PRKG1: variants seen among roughly 807,000 people sequenced by gnomAD.
PRKG1 encodes the protein protein kinase cGMP-dependent 1, also known as cGMP-dependent protein kinase 1.
PRKG1 carries 35 observed loss-of-function variants against 88.1 expected under a neutral mutation model. The ratio of observed to expected loss-of-function variants is 0.40; its 90% CI spans 0.30 to 0.53. PRKG1 has a LOEUF of 0.53. PRKG1 is among the 20% of genes least tolerant of loss of function. PRKG1 has a pLI of 0.59. For synonymous variants in PRKG1, 303 were observed against 292.5 expected, an observed-to-expected ratio of 1.04 and a Z score of -0.37; for missense variants, 540 against 839.8, an observed-to-expected ratio of 0.64 and a Z score of 4.41.
chr10:51,218,407 A>G (rs1449209095), intron 2 of PRKG1, among the ~76,000 whole-genome samples: 2 of 148,734 alleles, frequency 1.3e-5, no homozygotes, highest in Non-Finnish European at 3.0e-5. Flanking sequence ...CCTTGTTTAA[A>G]TTTTCTCATC....
intron 3 of PRKG1, among the ~76,000 whole-genome samples, chr10:51,629,176 T>C (rs1248637682): frequency 6.6e-6 from 1 of 152,080 alleles, no homozygotes; most frequent in African/African-American, 2.4e-5. Flanking sequence ...TTATGTATAA[T>C]CTATTTCCTT....
chr10:51,650,335 A>G (rs1211481177), intron 3 of PRKG1, among the ~76,000 whole-genome samples: 1 of 152,034 alleles, frequency 6.6e-6, no homozygotes, highest in African/African-American at 2.4e-5. Context: ...TTTTTATCTC[A>G]TCTCAATTGT....
chr10:52,278,168 A>G (rs1841918320), intron 12 of PRKG1, among the ~76,000 whole-genome samples: 1 of 152,196 alleles, frequency 6.6e-6, no homozygotes, highest in South Asian at 2.1e-4. Flanking sequence ...ATGAACAGAC[A>G]CTTCTCAAAA....
intron 3 of PRKG1, among the ~76,000 whole-genome samples, chr10:51,606,275 G>T (rs1838764563): frequency 6.6e-6 from 1 of 152,096 alleles, no homozygotes; most frequent in South Asian, 2.1e-4. Context: ...ACTACATAAA[G>T]ACAACCTATG....
chr10:51,899,824 G>T (rs1267645947), intron 4 of PRKG1, among the ~76,000 whole-genome samples: 5 of 151,800 alleles, frequency 3.3e-5, no homozygotes, highest in Non-Finnish European at 7.4e-5. Flanking sequence ...GTGGAACTGA[G>T]TGGGTTGTGT....
chr10:51,868,704 A>G (rs1841080977), intron 4 of PRKG1, among the ~76,000 whole-genome samples: 1 of 152,068 alleles, frequency 6.6e-6, no homozygotes, highest in South Asian at 2.1e-4. Flanking sequence ...AAAGCTATCT[A>G]TTTCCCTTGA....
At chr10:51,041,129 C>T (rs2132758118) in intron 1 of PRKG1, among the ~76,000 whole-genome samples, 1 of 152,170 alleles carries the variant, frequency 6.6e-6, no homozygotes, top group South Asian at 2.1e-4. Flanking sequence ...TGAGCACTGC[C>T]TGGCTATCAC....
chr10:51,438,610 T>C (rs1027205618), intron 2 of PRKG1, among the ~76,000 whole-genome samples: 1 of 151,940 alleles, frequency 6.6e-6, no homozygotes, highest in Admixed American at 6.6e-5. Context: ...TAGAGTACCA[T>C]CTTAATCATA....
chr10:51,458,137 TG>T (rs1564505634), intron 2 of PRKG1, among the ~76,000 whole-genome samples: 1 of 152,250 alleles, frequency 6.6e-6, no homozygotes, highest in East Asian at 1.9e-4. Flanking sequence ...CCTCATAAAA[TG>T]GGAAAAAATA....
At chr10:51,907,453 T>C in intron 4 of PRKG1, 54 bp from the exon 5 acceptor site, 1 of 1,390,190 alleles carries the variant, frequency 7.2e-7, no homozygotes, top group Non-Finnish European at 1.0e-6. Flanking sequence ...TTTTATTACT[T>C]ATGAAAGTAA....
intron 7 of PRKG1, among the ~76,000 whole-genome samples, chr10:52,111,095 G>A (rs1305196500): frequency 6.6e-6 from 1 of 152,094 alleles, no homozygotes; most frequent in Non-Finnish European, 1.5e-5. Flanking sequence ...GGCACAATGA[G>A]ATCAAATAAT....
At chr10:52,239,521 TA>T in intron 9 of PRKG1, among the ~76,000 whole-genome samples, 721 of 56,706 alleles carry the variant, frequency 0.013, 8 homozygotes, top group African/African-American at 0.052. Flanking sequence ...TTCTACAGTG[TA>T]AAAAAAAAAA....
intron 3 of PRKG1, among the ~76,000 whole-genome samples, chr10:51,706,517 T>A (rs78812218): frequency 6.8e-6 from 1 of 147,718 alleles, no homozygotes. Context: ...CCAGCCCAAT[T>A]TTTTTTTTTT....
intron 3 of PRKG1, among the ~76,000 whole-genome samples, chr10:51,541,136 A>T (rs2132111454): frequency 6.6e-6 from 1 of 152,178 alleles, no homozygotes; most frequent in Non-Finnish European, 1.5e-5. Flanking sequence ...GGGGTGGGGG[A>T]TGGCTTCAGG....
chr10:51,672,505 TC>T (rs1840608078), intron 3 of PRKG1, among the ~76,000 whole-genome samples: 1 of 152,178 alleles, frequency 6.6e-6, no homozygotes, highest in Non-Finnish European at 1.5e-5. Context: ...GTTTTGCCTT[TC>T]TTGTTTTATT....
At chr10:52,110,342 A>G (rs1260755387) in intron 7 of PRKG1, among the ~76,000 whole-genome samples, 1 of 152,152 alleles carries the variant, frequency 6.6e-6, no homozygotes, top group Non-Finnish European at 1.5e-5. Context: ...AGAAAAAATA[A>G]GAAATAAAAA....
intron 3 of PRKG1, among the ~76,000 whole-genome samples, chr10:51,731,511 A>G (rs957840907): frequency 1.3e-5 from 2 of 152,210 alleles, no homozygotes; most frequent in Non-Finnish European, 2.9e-5. Context: ...AAAGAAGCCC[A>G]GACTTGAGAA....
chr10:51,406,085 A>G (rs1434685461), intron 2 of PRKG1, among the ~76,000 whole-genome samples: 1 of 151,966 alleles, frequency 6.6e-6, no homozygotes. Context: ...CTCTGTCTCT[A>G]CTTCTCCAGT....
intron 8 of PRKG1, among the ~76,000 whole-genome samples, chr10:52,158,871 A>G (rs765445922): frequency 5.9e-5 from 9 of 151,506 alleles, no homozygotes; most frequent in Non-Finnish European, 7.4e-5. Context: ...GAATAAAGAT[A>G]CTTGTGTAAA....
Sources: allele counts gnomAD v4.1 joint callset (sites outside exome capture counted in the v4.1 genomes callset), GRCh38; gene constraint gnomAD v4.1.1; transcripts MANE v1.5; gene names NCBI Gene and HGNC (gene_info 2026-07-23, HGNC 2026-07-21).